TTN: variants seen among roughly 807,000 people sequenced by gnomAD.
TTN encodes titin, also known as connectin.
In TTN, 1,525 loss-of-function variants were observed where a neutral mutation model predicts 3,223.0. That is an observed-to-expected ratio of 0.47 (90% CI 0.45 to 0.49). The LOEUF is 0.49. TTN is among the 20% of genes least tolerant of loss of function. TTN has a pLI of 0.00. For synonymous variants in TTN, 14,094 were observed against 15,161.0 expected, an observed-to-expected ratio of 0.93 and a Z score of 5.17; for missense variants, 40,786 against 43,424.0, an observed-to-expected ratio of 0.94 and a Z score of 5.40.
At chr2:178,691,912 A>G in intron 121 of TTN, 104 bp downstream of exon 121, 1 of 893,970 alleles carries the variant, frequency 1.1e-6, no homozygotes, top group Non-Finnish European at 1.7e-6. Flanking sequence ...AGAAGAATGT[A>G]AAAGAGACAA....
At position 178,601,026 on chromosome 2, in the gene TTN, T is replaced by C. The variant is rs772824596; in HGVS notation, c.55878A>G (p.Thr18626=). Residue 18626 remains threonine (T), a synonymous_variant, in exon 288 of 363, where the codon ACA becomes ACG. Transcript: ENST00000589042. ...VECLAWDPTG[T]KKEAWRQCNK... is the part of the protein sequence containing the mutation. ...TGCACTGCCTCCAGGCTTCTTTCTT[T>C]GTCCCAGTAGGGTCCCATGCAAGGC... 1 of 1,613,062 alleles carries C rather than the reference T, an allele frequency of 6.2e-7. No homozygotes were observed. Among genetic ancestry groups the C allele is most frequent in the South Asian group, 1.1e-5 (1 of 91,034 alleles).
chr2:178,561,027 CA>C lies in TTN; in HGVS notation c.85104del (p.Val28369SerfsTer9). The C allele has an allele frequency of 6.2e-7, 1 of 1,613,872 alleles. No homozygotes were observed. Among genetic ancestry groups the C allele is most frequent in the Non-Finnish European group, 8.5e-7 (1 of 1,179,812 alleles). ...MMDVKFRDVI[V>X]VKAGEVLKIN... ...ATCTTAAGGACCTCTCCAGCTTTGA[CA>C]ACAATAACGTCTCGGAACTTGACAT... On this transcript the variant is annotated frameshift_variant, in exon 326 of 363. Coordinates refer to ENST00000589042, the MANE Select transcript of TTN (RefSeq NM_001267550.2). LOFTEE classifies it high-confidence loss of function.
In TTN at chr2:178,636,702, G is replaced by A. The variant is rs562063231; in HGVS notation, c.41025C>T (p.Thr13675=). The A allele has an allele frequency of 3.7e-6, 6 of 1,613,224 alleles. No homozygotes were observed. The South Asian group carries it at 4.4e-5, about 12-fold the overall frequency. Residue 13675 remains threonine, a synonymous_variant, in exon 225 of 363, where the codon ACC becomes ACT. Coordinates refer to ENST00000589042, the MANE Select transcript of TTN (RefSeq NM_001267550.2). This position sits in a 1 kb window ranked among gnomAD's most constrained non-coding sequence, Gnocchi z 4.3. ...GEKPPDEAPF[T]YQLKAVPLKF... is the part of the protein sequence containing the mutation. ...TCAGTGGCACAGCCTTTAGCTGGTA[G>A]GTGAACGGGGCTTCATCAGGAGGTT...
intron 240 of TTN, among the ~76,000 whole-genome samples, chr2:178,627,962 T>G (rs2059279783): frequency 6.6e-6 from 1 of 152,054 alleles, no homozygotes; most frequent in Non-Finnish European, 1.5e-5. Context: ...AACAATAAGC[T>G]TGAAGGTAGA....
Position 178,718,192 on chromosome 2 carries a change from G to A in TTN, c.24814C>T (p.His8272Tyr). ...GGTTCTCCAATGACTGCTTCCACAT[G>A]TTCCAGAGGTTCAATAAAGTACGGT... ...EPPYFIEPLE[H>Y]VEAVIGEPAT... Residue 8272 changes from histidine (H) to tyrosine (Y), a missense_variant, in exon 86 of 363, where the codon CAT (histidine) becomes TAT (tyrosine). Physicochemically the swap from His to Tyr is moderately conservative, Grantham distance 83 (BLOSUM62 2). Coordinates refer to ENST00000589042, the MANE Select transcript of TTN (RefSeq NM_001267550.2). The A allele has an allele frequency of 1.9e-6, 3 of 1,602,948 alleles. No individual in the cohort carries two copies. The highest frequency in any genetic ancestry group is 2.5e-6 in the Non-Finnish European group (3 of 1,178,138).
At position 178,532,853 on chromosome 2, in the gene TTN, C is replaced by A. The variant is rs368889232; in HGVS notation, c.103762G>T (p.Val34588Leu). The A allele has an allele frequency of 1.9e-6, 3 of 1,613,826 alleles. No homozygotes were observed. The highest frequency in any genetic ancestry group is 2.5e-6 in the Non-Finnish European group (3 of 1,179,874). Reference sequence around the variant, plus strand: ...CGGATGCGCTTGGGTCGTTTCTGTACAACTCTGTCAAGTTTCCCAGGCATT... The same window carrying A: ...CGGATGCGCTTGGGTCGTTTCTGTAAAACTCTGTCAAGTTTCCCAGGCATT... ...YEMPGKLDRVVQKRPKRIRLS... is the reference protein window; with the variant it reads ...YEMPGKLDRVLQKRPKRIRLS... The change falls in exon 358 of 363, where the codon GTA becomes TTA. Residue 34588 changes from valine to leucine, a missense_variant. By Grantham distance (32) the Val-to-Leu change is conservative. Coordinates refer to ENST00000589042, the MANE Select transcript of TTN (RefSeq NM_001267550.2).
Position 178,612,038 on chromosome 2 carries a change from G to T in TTN, c.50354+19C>A, listed in dbSNP as rs776684950. 3.7e-6 allele frequency: 6 copies of T among 1,603,088 alleles called. No individual in the cohort carries two copies. The highest frequency in any genetic ancestry group is 5.1e-6 in the Non-Finnish European group (6 of 1,175,766). ...CAGCCAAGTGTAAGTTATTCTTTAT[G>T]AATTAATTCAAATTCTACCTCTGTA... On this transcript the variant is annotated intron_variant, in intron 267 of 362. Coordinates refer to ENST00000589042, the MANE Select transcript of TTN (RefSeq NM_001267550.2).
rs1183772967 is a variant in TTN at position 178,526,462 on chromosome 2, A to G, written c.*550T>C. 1 of 152,662 alleles carries G rather than the reference A, an allele frequency of 6.6e-6. No homozygotes were observed. Among genetic ancestry groups the G allele is most frequent in the African/African-American group, 2.4e-5 (1 of 41,476 alleles). 9.5% of individuals were successfully genotyped at this position (152,662 alleles called of 1,614,324 possible). A position where few individuals can be genotyped will look rare whatever the true frequency, so the allele number is the denominator to read the frequency against. ...ATAATTTTGTGTGACATCATCAGAG[A>G]AAATGTAAGACGTTAAAGTGTTGCT... On this transcript the variant is annotated 3_prime_UTR_variant, in exon 363 of 363. Coordinates refer to ENST00000589042, the MANE Select transcript of TTN (RefSeq NM_001267550.2).
At position 178,704,315 on chromosome 2, in the gene TTN, A is replaced by C. The variant is rs754368714; in HGVS notation, c.30055T>G (p.Ser10019Ala). 34 of 1,613,818 alleles carry C rather than the reference A, an allele frequency of 2.1e-5. No individual in the cohort carries two copies. Among genetic ancestry groups the C allele is most frequent in the Non-Finnish European group, 2.6e-5 (31 of 1,179,882 alleles). ...TCQFSVPNVK[S>A]EWFRNGRILK... Reference sequence around the variant, plus strand: ...ATTCTGCCATTTCTGAACCATTCAGATTTTACATTTGGTACAGAAAATTGG... The same window carrying C: ...ATTCTGCCATTTCTGAACCATTCAGCTTTTACATTTGGTACAGAAAATTGG... The change falls in exon 106 of 363, where the codon TCT (serine) becomes GCT (alanine). Residue 10019 changes from serine to alanine, a missense_variant. By Grantham distance (99) the Ser-to-Ala change is moderately conservative. Coordinates refer to ENST00000589042, the MANE Select transcript of TTN (RefSeq NM_001267550.2).
intron 24 of TTN, 62 bp from the exon 25 acceptor site, chr2:178,778,037 T>G: frequency 6.4e-7 from 1 of 1,565,026 alleles, no homozygotes; most frequent in Non-Finnish European, 8.7e-7. Context: ...AAAACAAACT[T>G]CATTTTGTCT....
intron 146 of TTN, 68 bp from the exon 147 acceptor site, chr2:178,677,355 T>TATATATATATATATATATATAG (rs1164562936): frequency 2.0e-6 from 1 of 493,252 alleles, no homozygotes; most frequent in African/African-American, 2.3e-5. Flanking sequence ...TATATATATA[T>TATATATATATATATATATATAG]ATATATGAAA....
intron 43 of TTN, among the ~76,000 whole-genome samples, chr2:178,760,654 T>A (rs1007032649): frequency 6.6e-6 from 1 of 152,208 alleles, no homozygotes; most frequent in Admixed American, 6.5e-5. Context: ...GGCTATTCGT[T>A]GCATATAATT....
At chr2:178,805,645 T>C (rs1016447831) in intron 1 of TTN, among the ~76,000 whole-genome samples, 6 of 152,218 alleles carry the variant, frequency 3.9e-5, no homozygotes, top group Admixed American at 6.5e-5. Context: ...AACTGTGCAG[T>C]AAATGTTGTT....
intron 37 of TTN, 87 bp downstream of exon 37, chr2:178,769,592 G>C: frequency 8.2e-7 from 1 of 1,214,500 alleles, no homozygotes; most frequent in Non-Finnish European, 1.1e-6. Context: ...GGTCAGCAAA[G>C]TGTAGGATAT....
In TTN at chr2:178,770,173, A is replaced by C; in HGVS notation, c.8528T>G (p.Val2843Gly). Residue 2843 changes from valine to glycine, a missense_variant, in exon 36 of 363, where the codon GTC becomes GGC. Val to Gly is a moderately radical substitution (Grantham distance 109). Transcript: ENST00000589042. ...CAGCTTGTGGACTTTCCTTTCTGAG[A>C]CCAGTCTGTGTTTGTCACTTGGCTT... ...EIKPSDKHRL[V>G]SERKVHKLML... 1 of 1,614,066 alleles carries C rather than the reference A, an allele frequency of 6.2e-7. No homozygotes were observed. Among genetic ancestry groups the C allele is most frequent in the Non-Finnish European group, 8.5e-7 (1 of 1,180,002 alleles).
Position 178,720,467 on chromosome 2 carries a change from T to G in TTN, c.23295A>C (p.Glu7765Asp), listed in dbSNP as rs774259283. The G allele has an allele frequency of 3.1e-6, 5 of 1,613,594 alleles. No individual in the cohort carries two copies. The African/African-American group carries it at 5.3e-5, about 17-fold the overall frequency. ...FDTSLHILNL[E>D]ASDVGEYHCK... Reference sequence around the variant, plus strand: ...AGTGATATTCCCCGACATCGGAGGCTTCAAGATTAAGGATATGAAGACTTG... The same window carrying G: ...AGTGATATTCCCCGACATCGGAGGCGTCAAGATTAAGGATATGAAGACTTG... Residue 7765 changes from glutamate to aspartate, a missense_variant, in exon 80 of 363, where the codon GAA (glutamate) becomes GAC (aspartate). By Grantham distance (45) the Glu-to-Asp change is conservative. Coordinates refer to ENST00000589042, the MANE Select transcript of TTN (RefSeq NM_001267550.2).
At position 178,589,098 on chromosome 2, in the gene TTN, A is replaced by G; in HGVS notation, c.62627T>C (p.Val20876Ala). The G allele has an allele frequency of 6.2e-7, 1 of 1,610,846 alleles. No homozygotes were observed. Among genetic ancestry groups the G allele is most frequent in the South Asian group, 1.1e-5 (1 of 91,070 alleles). ...GPVRNLKIVD[V>A]SSDRCTVCWD... is the part of the protein sequence containing the mutation. The stretch of plus-strand genomic sequence containing the variant: ...GCAAACAGTACACCTATCACTGGAC[A>G]CATCAACAATTTTCAGATTTCTCAC... The change falls in exon 304 of 363, where the codon GTG becomes GCG. Residue 20876 changes from valine to alanine, a missense_variant. Physicochemically the swap from Val to Ala is moderately conservative, Grantham distance 64. Coordinates refer to ENST00000589042, the MANE Select transcript of TTN (RefSeq NM_001267550.2).
chr2:178,571,313 ACT>A lies in TTN; in HGVS notation c.74817_74818del (p.Arg24939SerfsTer13). 1 of 1,613,328 alleles carries A rather than the reference ACT, an allele frequency of 6.2e-7. No homozygotes were observed. Among genetic ancestry groups the A allele is most frequent in the Non-Finnish European group, 8.5e-7 (1 of 1,179,568 alleles). On this transcript the variant is annotated frameshift_variant, in exon 326 of 363. Coordinates refer to ENST00000589042, the MANE Select transcript of TTN (RefSeq NM_001267550.2). LOFTEE classifies it high-confidence loss of function. ...CTTGCGTTCTAGATGATAGCCAATG[ACT>A]CTACTTCCTCCATCACTGATTGGCT...
chr2:178,664,193 C>G (rs1577109554), intron 168 of TTN, 95 bp from the exon 169 acceptor site: 1 of 1,259,166 alleles, frequency 7.9e-7, no homozygotes, highest in Non-Finnish European at 1.1e-6. Context: ...ATTTTTTTCT[C>G]CTGAGCTGAG....
Sources: gnomAD v4.1 joint callset for allele counts (sites outside exome capture counted in the v4.1 genomes callset) on GRCh38, gnomAD v4.1.1 for gene constraint, Gnocchi (gnomAD v3.1) non-coding constraint, MANE v1.5 for transcripts, NCBI Gene and HGNC (gene_info 2026-07-23, HGNC 2026-07-21) for gene names.